Variants in SPATA1 observed in about 807,000 individuals in gnomAD.
The protein encoded by SPATA1 is spermatogenesis associated 1.
Under a neutral mutation model 59.6 loss-of-function variants are expected in SPATA1, and 57 were observed. The ratio of observed to expected loss-of-function variants is 0.96; its 90% CI spans 0.77 to 1.19. The LOEUF (loss-of-function observed/expected upper bound fraction) is 1.19. Among genes scored for constraint, SPATA1 ranks in the 50% most tolerant of loss-of-function variants. The probability of loss-of-function intolerance (pLI) is 0.00; values close to 1 mark genes in which losing one functional copy is unlikely to be tolerated. For synonymous variants in SPATA1, 147 were observed against 163.9 expected (o/e 0.90, Z 0.79); for missense variants, 448 against 480.7 (o/e 0.93, Z 0.64).
chr1:84,520,824 T>A, intron 3 of SPATA1, 133 bp downstream of exon 3: 1 of 649,248 alleles, frequency 1.5e-6, no homozygotes, highest in Admixed American at 3.2e-5. Context: ...ATTTCCTGAC[T>A]TAATGAATAC....
exon 5 of SPATA1, chr1:84,566,019 A>G (rs769976248): frequency 2.0e-6 from 3 of 1,508,404 alleles, no homozygotes; most frequent in Non-Finnish European, 1.8e-6. Context: ...TTACCTGTGG[A>G]AAAAAATCTT....
chr1:84,559,499 A>G (rs945857169), downstream of SPATA1, among the ~76,000 whole-genome samples: 1 of 152,038 alleles, frequency 6.6e-6, no homozygotes, highest in African/African-American at 2.4e-5. Flanking sequence ...GGGCATCCCT[A>G]TAACCCCAGA....
chr1:84,562,226 C>T (rs1021925571), intron 4 of SPATA1, among the ~76,000 whole-genome samples: 5 of 152,170 alleles, frequency 3.3e-5, no homozygotes, highest in Non-Finnish European at 7.4e-5. Context: ...GGCCATGGCA[C>T]ACGTGTGTAT....
At chr1:84,563,170 TAGAA>T in intron 4 of SPATA1, 1 of 946,308 alleles carries the variant, frequency 1.1e-6, no homozygotes, top group Non-Finnish European at 1.5e-6. Context: ...AGAAAACTGA[TAGAA>T]ATTCTTGATA....
chr1:84,555,285 G>C, downstream of SPATA1: 1 of 1,032,644 alleles, frequency 9.7e-7, no homozygotes, highest in Non-Finnish European at 1.4e-6. Flanking sequence ...GAAGTATACA[G>C]TACAGTAAGA....
intron 11 of SPATA1, 120 bp downstream of exon 11, chr1:84,549,084 A>G (rs1684191315): frequency 1.0e-6 from 1 of 996,350 alleles, no homozygotes; most frequent in Non-Finnish European, 1.4e-6. Flanking sequence ...GCTTAAAACA[A>G]TAAAAAAACT....
At chr1:84,506,916 C>T (rs1682282824) in intron 1 of SPATA1, 1 of 152,224 alleles carries the variant, frequency 6.6e-6, no homozygotes, top group African/African-American at 2.4e-5. Context: ...GAAGATTACA[C>T]CTGTCTGCTC....
At chr1:84,554,997 G>A, downstream of SPATA1, 2 of 1,612,258 alleles carry the variant, frequency 1.2e-6, no homozygotes, top group Non-Finnish European at 1.7e-6. Context: ...GACAAAAGAT[G>A]TTCATCTCTG....
chr1:84,553,018 A>G, intron 12 of SPATA1: 2 of 1,477,652 alleles, frequency 1.4e-6, no homozygotes, highest in Non-Finnish European at 1.8e-6. Flanking sequence ...ATTTTTGAAA[A>G]GTAATTCTTT....
intron 6 of SPATA1, among the ~76,000 whole-genome samples, chr1:84,531,782 A>AACT (rs1683480491): frequency 6.6e-6 from 1 of 151,528 alleles, no homozygotes; most frequent in Non-Finnish European, 1.5e-5. Context: ...GCTGGTCTTG[A>AACT]ACTACTGGGC....
chr1:84,541,427 T>G (rs927911060), intron 8 of SPATA1, among the ~76,000 whole-genome samples: 2 of 151,204 alleles, frequency 1.3e-5, no homozygotes, highest in African/African-American at 4.9e-5. Flanking sequence ...TGTTTCACTT[T>G]CTTGGCTCCT....
chr1:84,536,421 A>G (rs1461501127), intron 8 of SPATA1, among the ~76,000 whole-genome samples: 2 of 152,208 alleles, frequency 1.3e-5, no homozygotes, highest in African/African-American at 4.8e-5. Flanking sequence ...TGGGGATATA[A>G]AAATGTTAAG....
At chr1:84,552,857 T>G (rs1049467093) in intron 12 of SPATA1, 14 of 528,838 alleles carry the variant, frequency 2.6e-5, no homozygotes, top group African/African-American at 2.6e-4. Flanking sequence ...GCATGCTTAT[T>G]AAACAGCATT....
chr1:84,527,820 C>A (rs933210987), intron 6 of SPATA1, among the ~76,000 whole-genome samples: 1 of 152,080 alleles, frequency 6.6e-6, no homozygotes, highest in Non-Finnish European at 1.5e-5. Context: ...GCCTCTGCCT[C>A]CCAGGTTCAA....
intron 7 of SPATA1, 41 bp from the exon 8 acceptor site, chr1:84,533,668 A>T: frequency 7.1e-7 from 1 of 1,399,022 alleles, no homozygotes; most frequent in African/African-American, 1.4e-5. Context: ...TATTCATGGG[A>T]TCATGTTTTA....
At chr1:84,563,345 G>A (rs1684629670) in intron 4 of SPATA1, 2 of 1,597,726 alleles carry the variant, frequency 1.3e-6, no homozygotes, top group African/African-American at 1.4e-5. Flanking sequence ...CGTTTTGTAG[G>A]GCACCTGACG....
downstream of SPATA1, among the ~76,000 whole-genome samples, chr1:84,558,114 AATGT>A (rs1443667417): frequency 6.6e-6 from 1 of 152,162 alleles, no homozygotes. Context: ...AGTTAATAAC[AATGT>A]ATTATGTTGA....
At chr1:84,567,037 T>C (rs1202630335), downstream of SPATA1, among the ~76,000 whole-genome samples, 1 of 152,242 alleles carries the variant, frequency 6.6e-6, no homozygotes, top group African/African-American at 2.4e-5. Flanking sequence ...TGTACAAATG[T>C]TCTAAAACTT....
At chr1:84,509,976 C>G (rs1682464772) in intron 1 of SPATA1, among the ~76,000 whole-genome samples, 1 of 152,080 alleles carries the variant, frequency 6.6e-6, no homozygotes, top group Non-Finnish European at 1.5e-5. Context: ...TTTCTCGAAC[C>G]CAGGAGTTGT....
Sources: gnomAD v4.1 joint callset for allele counts (sites outside exome capture counted in the v4.1 genomes callset) on GRCh38, gnomAD v4.1.1 for gene constraint, MANE v1.5 for transcripts, NCBI Gene and HGNC (gene_info 2026-07-23, HGNC 2026-07-21) for gene names.